Variants in VPS13B observed in about 807,000 individuals in gnomAD.
VPS13B encodes the protein vacuolar protein sorting 13 homolog B.
Under a neutral mutation model 426.4 loss-of-function variants are expected in VPS13B, and 285 were observed. That is an observed-to-expected ratio of 0.67 (90% CI 0.61 to 0.74). The LOEUF (loss-of-function observed/expected upper bound fraction) is 0.74. VPS13B is among the 30% of genes least tolerant of loss of function. VPS13B has a pLI of 0.00. For synonymous variants in VPS13B, 1,676 were observed against 1,676.4 expected, an observed-to-expected ratio of 1.00 and a Z score of 0.01; for missense variants, 4,537 against 4,782.6, an observed-to-expected ratio of 0.95 and a Z score of 1.51.
rs1817692605 is a variant in VPS13B, at chr8:99,876,164, C to T, written c.*498C>T. 2 of 169,990 alleles carry T rather than the reference C, an allele frequency of 1.2e-5. No homozygotes were observed. The highest frequency in any genetic ancestry group is 2.6e-5 in the Non-Finnish European group (2 of 77,760). The allele number at this position is 169,990 out of a possible 1,614,324, so 10.5% of individuals were successfully genotyped here. A position where few individuals can be genotyped will look rare whatever the true frequency, so the allele number is the denominator to read the frequency against. Reference sequence around the variant, plus strand: ...CAATGGAGAGCCAGAGTTAAAACTTCAAGTTGCATCTGTTTTTGGGCTGAG... The same window carrying T: ...CAATGGAGAGCCAGAGTTAAAACTTTAAGTTGCATCTGTTTTTGGGCTGAG... On this transcript the variant is annotated 3_prime_UTR_variant, in exon 62 of 62. Coordinates refer to ENST00000357162, the MANE Select transcript of VPS13B (RefSeq NM_152564.5).
At chr8:99,502,730 C>G (rs1267000891) in intron 26 of VPS13B, 106 bp from the exon 27 acceptor site, 3 of 874,868 alleles carry the variant, frequency 3.4e-6, no homozygotes, top group African/African-American at 3.3e-5. Flanking sequence ...ATCTCAGCGC[C>G]TCTGTACATA....
At chr8:99,640,013 T>G (rs6985692) in intron 33 of VPS13B, among the ~76,000 whole-genome samples, 8,517 of 70,244 alleles carry the variant, frequency 0.12, 581 homozygotes, top group African/African-American at 0.2. Flanking sequence ...ATAATAATAA[T>G]AATAATAATA....
chr8:99,062,529 C>T (rs7830122), intron 3 of VPS13B, among the ~76,000 whole-genome samples: 3,656 of 152,202 alleles, frequency 0.024, 138 homozygotes, highest in African/African-American at 0.082. Flanking sequence ...AGTGCATGGG[C>T]GTCATCTCGG....
chr8:99,179,113 T>C (rs1386517806), intron 16 of VPS13B, among the ~76,000 whole-genome samples: 1 of 152,208 alleles, frequency 6.6e-6, no homozygotes, highest in African/African-American at 2.4e-5. Context: ...GAGTCATTTA[T>C]TCATTAAAAA....
chr8:99,377,388 C>T (rs1041346338), intron 19 of VPS13B, among the ~76,000 whole-genome samples: 7 of 152,146 alleles, frequency 4.6e-5, no homozygotes, highest in African/African-American at 1.7e-4. Context: ...TCAATCTGGG[C>T]TTACATCCTA....
chr8:99,607,394 T>C (rs979654861), intron 33 of VPS13B, among the ~76,000 whole-genome samples: 2 of 152,212 alleles, frequency 1.3e-5, no homozygotes, highest in Non-Finnish European at 2.9e-5. Flanking sequence ...AACTTTAGTC[T>C]CTTAACTCCT....
intron 8 of VPS13B, among the ~76,000 whole-genome samples, chr8:99,124,228 T>C (rs1370501646): frequency 6.6e-6 from 1 of 152,146 alleles, no homozygotes; most frequent in Non-Finnish European, 1.5e-5. Context: ...TTTGACAATG[T>C]GGAAATTACT....
At chr8:99,640,034 G>T (rs1161521064) in intron 33 of VPS13B, among the ~76,000 whole-genome samples, 40 of 112,758 alleles carry the variant, frequency 3.5e-4, no homozygotes, top group South Asian at 1.7e-3. Context: ...ATAAGAAGAA[G>T]AAGAAGAAGA....
chr8:99,118,291 C>T (rs578059054), intron 7 of VPS13B, among the ~76,000 whole-genome samples: 6 of 152,206 alleles, frequency 3.9e-5, no homozygotes, highest in South Asian at 2.1e-4. Flanking sequence ...TTTATCAATA[C>T]AATTGTTTTT....
chr8:99,053,257 A>T (rs964081495), intron 3 of VPS13B, among the ~76,000 whole-genome samples: 1 of 152,086 alleles, frequency 6.6e-6, no homozygotes, highest in Non-Finnish European at 1.5e-5. Flanking sequence ...GTCATTAAGC[A>T]TTAGGTATAT....
intron 29 of VPS13B, among the ~76,000 whole-genome samples, chr8:99,518,142 C>A (rs1822187204): frequency 6.6e-6 from 1 of 151,962 alleles, no homozygotes; most frequent in African/African-American, 2.4e-5. Context: ...TACGTCATTT[C>A]TCCTCCATAT....
chr8:99,729,534 G>C (rs1833501927), intron 39 of VPS13B, among the ~76,000 whole-genome samples: 2 of 152,158 alleles, frequency 1.3e-5, no homozygotes, highest in East Asian at 3.8e-4. Context: ...TACCTTTCTT[G>C]ACTAGTGCTT....
chr8:99,407,456 T>A (rs1304489095), intron 21 of VPS13B, among the ~76,000 whole-genome samples: 1 of 152,106 alleles, frequency 6.6e-6, no homozygotes, highest in Non-Finnish European at 1.5e-5. Flanking sequence ...TTTTTTGCTA[T>A]CCATCTATTT....
intron 33 of VPS13B, among the ~76,000 whole-genome samples, chr8:99,586,462 C>T (rs566854185): frequency 6.6e-6 from 1 of 152,260 alleles, no homozygotes; most frequent in Admixed American, 6.5e-5. Flanking sequence ...ATGTCTAATA[C>T]CTGAGTCATC....
chr8:99,078,000 T>C (rs936539960), intron 3 of VPS13B, among the ~76,000 whole-genome samples: 5 of 152,248 alleles, frequency 3.3e-5, no homozygotes, highest in East Asian at 3.9e-4. Context: ...ATTTTATTCA[T>C]TGAGTTTTTC....
intron 22 of VPS13B, among the ~76,000 whole-genome samples, chr8:99,440,104 T>G (rs1228747161): frequency 6.6e-6 from 1 of 152,164 alleles, no homozygotes; most frequent in Non-Finnish European, 1.5e-5. Flanking sequence ...CCCTTCACTT[T>G]AACACATGAA....
intron 16 of VPS13B, 115 bp from the exon 17 acceptor site, chr8:99,192,761 T>A: frequency 1.9e-6 from 2 of 1,040,840 alleles, no homozygotes; most frequent in Non-Finnish European, 2.8e-6. Flanking sequence ...GTAGTATGTT[T>A]GCATACATAC....
intron 33 of VPS13B, among the ~76,000 whole-genome samples, chr8:99,585,750 T>G (rs1358274981): frequency 6.6e-6 from 1 of 152,126 alleles, no homozygotes; most frequent in Non-Finnish European, 1.5e-5. Flanking sequence ...CTAGATACTT[T>G]CCCCCTGAAA....
chr8:99,100,971 G>A (rs981491987), intron 4 of VPS13B, among the ~76,000 whole-genome samples: 1 of 151,834 alleles, frequency 6.6e-6, no homozygotes, highest in Non-Finnish European at 1.5e-5. Context: ...TTGAACCCGG[G>A]AGGCGGAGGT....
Sources: gnomAD v4.1 joint callset for allele counts (sites outside exome capture counted in the v4.1 genomes callset) on GRCh38, gnomAD v4.1.1 for gene constraint, MANE v1.5 for transcripts, NCBI Gene and HGNC (gene_info 2026-07-23, HGNC 2026-07-21) for gene names.